PRDX4: variants seen among roughly 807,000 people sequenced by gnomAD.
PRDX4 encodes peroxiredoxin-4.
PRDX4 carries 12 observed loss-of-function variants against 20.5 expected under a neutral mutation model. That is an observed-to-expected ratio of 0.58 (90% CI 0.37 to 0.95). PRDX4 has a LOEUF of 0.95. Among genes scored for constraint, PRDX4 ranks in the 40% least tolerant of loss-of-function variants. PRDX4 has a pLI of 0.01. For synonymous variants in PRDX4, 99 were observed against 87.5 expected, an observed-to-expected ratio of 1.13 and a Z score of -0.73; for missense variants, 180 against 207.3, an observed-to-expected ratio of 0.87 and a Z score of 0.81.
At chrX:23,677,724 C>T (rs1226940211) in intron 3 of PRDX4, among the ~76,000 whole-genome samples, 1 of 111,277 alleles carries the variant, frequency 9.0e-6, no homozygotes, top group Admixed American at 9.6e-5. Context: ...ATCTTTTGAT[C>T]TATCAGTTTC....
rs184480198 is a variant in PRDX4, at chrX:23,675,554, T to C, written c.476+448T>C. Reference sequence around the variant, plus strand: ...ATGAATTTTAAAAAATGTTTAAAAATTCATTAATCATAAAAAGATGTTTTA... The same window carrying C: ...ATGAATTTTAAAAAATGTTTAAAAACTCATTAATCATAAAAAGATGTTTTA... On this transcript the variant is annotated intron_variant, in intron 3 of 6. Transcript: ENST00000379341. The C allele has an allele frequency of 1.5e-3, 175 of 119,469 alleles. 1 individual carries two copies. The highest frequency in any genetic ancestry group is 5.0e-3 in the African/African-American group (156 of 31,403). 9.8% of individuals were successfully genotyped at this position (119,469 alleles called of 1,213,427 possible).
rs747800675 is a variant in PRDX4 at position 23,667,779 on chromosome X, C to G, written c.209C>G (p.Ala70Gly). ...GGAGAGGCATCCCGGGTATCGGTCG[C>G]CGACCACTCCCTGCACCTAAGCAAA... ...YPGEASRVSV[A>G]DHSLHLSKAK... is the part of the protein sequence containing the mutation. Residue 70 changes from alanine (A) to glycine (G), a missense_variant, in exon 1 of 7, where the codon GCC becomes GGC. Physicochemically the swap from Ala to Gly is moderately conservative, Grantham distance 60. Coordinates refer to ENST00000379341, the MANE Select transcript of PRDX4 (RefSeq NM_006406.2). 5.0e-6 allele frequency: 6 copies of G among 1,209,436 alleles called. No homozygotes were observed. Among genetic ancestry groups the G allele is most frequent in the Non-Finnish European group, 5.6e-6 (5 of 894,979 alleles).
At chrX:23,679,606 A>C (rs1056287577) in intron 4 of PRDX4, among the ~76,000 whole-genome samples, 2 of 108,309 alleles carry the variant, frequency 1.8e-5, no homozygotes, top group Non-Finnish European at 1.9e-5. Context: ...GAATTGCTTG[A>C]ACCTGGGAGG....
chrX:23,684,433 G>T (rs1235859057), intron 6 of PRDX4, among the ~76,000 whole-genome samples: 1 of 111,553 alleles, frequency 9.0e-6, no homozygotes, highest in African/African-American at 3.3e-5. Flanking sequence ...TGAAGATAAT[G>T]ATTCTCTCCT....
At position 23,679,104 on chromosome X, in the gene PRDX4, G is replaced by C. The variant is rs1439372328; in HGVS notation, c.477-61G>C. 2.6e-6 allele frequency: 3 copies of C among 1,132,279 alleles called. No individual in the cohort carries two copies. In the Admixed American group the frequency reaches 7.4e-5, roughly 28 times the overall value. 93.3% of individuals were successfully genotyped at this position (1,132,279 alleles called of 1,213,427 possible). ...GTGCGTGTGCATGTATAGAGAAAGA[G>C]TGCTGTTTTAATATATGCCGTTTAC... On this transcript the variant is annotated intron_variant, in intron 3 of 6. Transcript: ENST00000379341.
intron 1 of PRDX4, among the ~76,000 whole-genome samples, chrX:23,669,490 CTA>C (rs781634288): frequency 7.9e-4 from 88 of 111,513 alleles, no homozygotes; most frequent in African/African-American, 2.5e-3. Flanking sequence ...TTAGTAAAGA[CTA>C]TTATGGAGCC....
chrX:23,679,136 C>T (rs1928009406), intron 3 of PRDX4, 29 bp from the exon 4 acceptor site: 1 of 1,199,483 alleles, frequency 8.3e-7, no homozygotes, highest in South Asian at 1.8e-5. Context: ...TTACTTAGCT[C>T]TGAGAGGTAA....
intron 2 of PRDX4, among the ~76,000 whole-genome samples, chrX:23,672,439 G>A (rs897039033): frequency 9.0e-6 from 1 of 111,550 alleles, no homozygotes; most frequent in African/African-American, 3.3e-5. Context: ...GGTTATTGTG[G>A]GGTTTCTCGT....
At chrX:23,667,954 G>A in intron 1 of PRDX4, 143 bp downstream of exon 1, 1 of 900,837 alleles carries the variant, frequency 1.1e-6, no homozygotes, top group South Asian at 2.6e-5. Flanking sequence ...CTAGGAGGGC[G>A]GGGAGGGGAA....
chrX:23,680,543 T>G (rs968252475), intron 4 of PRDX4, among the ~76,000 whole-genome samples: 1 of 111,459 alleles, frequency 9.0e-6, no homozygotes, highest in African/African-American at 3.3e-5. Flanking sequence ...TCCTGTGTTT[T>G]TTTATAACAA....
intron 1 of PRDX4, among the ~76,000 whole-genome samples, chrX:23,671,080 T>G (rs934219040): frequency 1.8e-5 from 2 of 112,164 alleles, no homozygotes; most frequent in Non-Finnish European, 3.8e-5. Flanking sequence ...ATTTAGTGTT[T>G]CCTTCTATTA....
At chrX:23,669,707 G>A (rs1029831712) in intron 1 of PRDX4, among the ~76,000 whole-genome samples, 3 of 110,532 alleles carry the variant, frequency 2.7e-5, no homozygotes, top group African/African-American at 6.6e-5. Flanking sequence ...ACCTGAGGTC[G>A]GGAGTTCGAG....
At chrX:23,680,852 A>AATGATCT (rs1928053128) in intron 4 of PRDX4, among the ~76,000 whole-genome samples, 2 of 111,530 alleles carry the variant, frequency 1.8e-5, no homozygotes, top group South Asian at 3.8e-4. Context: ...TCAAGGTTGC[A>AATGATCT]ATGATCTATG....
intron 4 of PRDX4, among the ~76,000 whole-genome samples, chrX:23,680,052 G>A (rs948416242): frequency 1.8e-5 from 2 of 112,427 alleles, no homozygotes; most frequent in African/African-American, 6.5e-5. Flanking sequence ...AACTTAAACC[G>A]TTAGTTTATA....
At chrX:23,675,587 T>G (rs1464652739) in intron 3 of PRDX4, 1 of 114,771 alleles carries the variant, frequency 8.7e-6, no homozygotes, top group Non-Finnish European at 1.8e-5. Flanking sequence ...TTACCTAAAT[T>G]CGTTATAAAG....
intron 4 of PRDX4, among the ~76,000 whole-genome samples, chrX:23,679,664 C>T (rs1455912506): frequency 1.0e-5 from 1 of 97,524 alleles, no homozygotes; most frequent in Non-Finnish European, 2.0e-5. Flanking sequence ...CCAGCCTGGG[C>T]GACAGAGTGA....
Position 23,682,348 on chromosome X carries a change from A to G in PRDX4, c.600-48A>G, listed in dbSNP as rs146802285. 633 of 1,019,560 alleles carry G rather than the reference A, an allele frequency of 6.2e-4. 1 individual carries two copies. In the African/African-American group the frequency reaches 0.01, roughly 16 times the overall value. The allele number at this position is 1,019,560 out of a possible 1,213,427, so 84.0% of individuals were successfully genotyped here. A position where few individuals can be genotyped will look rare whatever the true frequency, so the allele number is the denominator to read the frequency against. On this transcript the variant is annotated intron_variant, in intron 4 of 6. Coordinates refer to ENST00000379341, the MANE Select transcript of PRDX4 (RefSeq NM_006406.2). ...TGGATGGTATAGGAATTCACAATAC[A>G]TAAATGAGAAGAAATGACCTCATCT...
At chrX:23,667,941 CACCT>C in intron 1 of PRDX4, 130 bp downstream of exon 1, 3 of 969,954 alleles carry the variant, frequency 3.1e-6, no homozygotes, top group Non-Finnish European at 4.2e-6. Flanking sequence ...GCCTGGTTCT[CACCT>C]AGGAGGGCGG....
At chrX:23,685,649 G>T (rs1237841050) in intron 6 of PRDX4, among the ~76,000 whole-genome samples, 3 of 110,748 alleles carry the variant, frequency 2.7e-5, no homozygotes, top group Non-Finnish European at 5.7e-5. Context: ...TATAAAGATA[G>T]ATGTACTTTA....
Sources: gnomAD v4.1 joint callset for allele counts (sites outside exome capture counted in the v4.1 genomes callset) on GRCh38, gnomAD v4.1.1 for gene constraint, MANE v1.5 for transcripts, NCBI Gene and HGNC (gene_info 2026-07-23, HGNC 2026-07-21) for gene names.